The following ZNF43 variants were observed in gnomAD, a reference collection of about 807,000 sequenced individuals.
ZNF43 encodes zinc finger protein 43, also known as zinc finger protein 39-like 1 (KOX 27).
A neutral mutation model predicts 68.4 loss-of-function variants in ZNF43; 44 were observed. The ratio of observed to expected loss-of-function variants is 0.64; its 90% CI spans 0.51 to 0.83. The LOEUF is 0.83. Among genes scored for constraint, ZNF43 ranks in the 40% least tolerant of loss-of-function variants. The pLI, the probability that ZNF43 is intolerant of heterozygous loss-of-function variation, is 0.00. For synonymous variants in ZNF43, 308 were observed against 307.8 expected (o/e 1.00, Z -0.01); for missense variants, 896 against 933.2 (o/e 0.96, Z 0.52).
chr19:21,811,679 C>T (rs1004466727), intron 3 of ZNF43, among the ~76,000 whole-genome samples: 4 of 151,736 alleles, frequency 2.6e-5, no homozygotes, highest in African/African-American at 9.7e-5. Context: ...GATGAAAGAA[C>T]AGAATAAAGA....
In ZNF43 at chr19:21,809,261, T is replaced by C. The variant is rs369320604; in HGVS notation, c.776A>G (p.Lys259Arg). 7.9e-5 allele frequency: 127 copies of C among 1,613,476 alleles called. No homozygotes were observed. The highest frequency in any genetic ancestry group is 1.0e-4 in the Non-Finnish European group (120 of 1,179,830). Residue 259 changes from lysine (K) to arginine (R), a missense_variant, in exon 4 of 4, where the codon AAA becomes AGA. By Grantham distance (26) the Lys-to-Arg change is conservative. Transcript: ENST00000354959. ...AAAAGCTTTGCCACATTCTTCACATTTGTAGAGTTTGTATCTAGTATAATT... is the reference window on the plus strand; with the variant it reads ...AAAAGCTTTGCCACATTCTTCACATCTGTAGAGTTTGTATCTAGTATAATT... ...KKNYTRYKLYKCEECGKAFNK... is the reference protein window; with the variant it reads ...KKNYTRYKLYRCEECGKAFNK...
At chr19:21,822,805 A>AG (rs1165591015) in intron 1 of ZNF43, among the ~76,000 whole-genome samples, 14 of 151,818 alleles carry the variant, frequency 9.2e-5, no homozygotes, top group African/African-American at 3.2e-4. Flanking sequence ...ACTCCGTCTC[A>AG]GAAAAAAAAA....
intron 1 of ZNF43, among the ~76,000 whole-genome samples, chr19:21,848,792 G>A (rs866604896): frequency 1.3e-5 from 2 of 152,166 alleles, no homozygotes; most frequent in African/African-American, 4.8e-5. Context: ...GTCTAAGTAC[G>A]CTAGTGACAA....
At chr19:21,822,349 C>G (rs2037893147) in intron 1 of ZNF43, among the ~76,000 whole-genome samples, 1 of 121,744 alleles carries the variant, frequency 8.2e-6, no homozygotes, top group African/African-American at 3.1e-5. Context: ...ATTCTAGCCT[C>G]ATTTTGGAGT....
At position 21,808,692 on chromosome 19, in the gene ZNF43, T is replaced by C. The variant is rs759540747; in HGVS notation, c.1345A>G (p.Thr449Ala). 24 of 1,613,334 alleles carry C rather than the reference T, an allele frequency of 1.5e-5. No individual in the cohort carries two copies. The South Asian group carries it at 2.4e-4, about 16-fold the overall frequency. Residue 449 changes from threonine to alanine, a missense_variant, in exon 4 of 4, where the codon ACT becomes GCT. Thr to Ala is a moderately conservative substitution (Grantham distance 58, BLOSUM62 0). Coordinates refer to ENST00000354959, the MANE Select transcript of ZNF43 (RefSeq NM_003423.4). ...TCACATTTGTAGGGTTTCTCTCCAG[T>C]ATGAATTCTGTTATGTTTAGTAAGG... The part of the protein sequence containing the change: ...STLTKHNRIH[T>A]GEKPYKCEVC...
exon 1 of ZNF43, chr19:21,852,022 G>C (rs1263478061): frequency 6.9e-7 from 1 of 1,442,952 alleles, no homozygotes; most frequent in African/African-American, 1.4e-5. Context: ...TGGAGAACGC[G>C]GAAAAGCAGA....
At chr19:21,817,575 A>G (rs550052971) in intron 3 of ZNF43, among the ~76,000 whole-genome samples, 2 of 152,340 alleles carry the variant, frequency 1.3e-5, no homozygotes, top group African/African-American at 4.8e-5. Context: ...AAAAGTATGC[A>G]GATATTTGTG....
rs1362276189 is a variant in ZNF43, at chr19:21,807,671, A to G, written c.2366T>C (p.Leu789Pro). 1.3e-6 allele frequency: 2 copies of G among 1,597,114 alleles called. No homozygotes were observed. The highest frequency in any genetic ancestry group is 1.1e-5 in the South Asian group (1 of 88,706). Residue 789 changes from leucine (L) to proline (P), a missense_variant, in exon 4 of 4, where the codon CTC becomes CCC. Transcript: ENST00000354959. ...CACTGTCACATCTTCAGGTTTGTAG[A>G]GTTTCTCTCCAGTATGAATTTTGTT... ...THNKIHTGEK[L>P]YKPEDVTVIL...
chr19:21,848,421 C>T (rs933114016), intron 1 of ZNF43, among the ~76,000 whole-genome samples: 4 of 152,082 alleles, frequency 2.6e-5, no homozygotes, highest in African/African-American at 9.7e-5. Context: ...GCTGGGATTA[C>T]AGGCATGAGC....
chr19:21,843,435 A>G (rs1207690815), intron 1 of ZNF43: 5 of 940,042 alleles, frequency 5.3e-6, no homozygotes, highest in Non-Finnish European at 6.3e-6. Context: ...TCACCATCTC[A>G]ATGTAGATGA....
In ZNF43 at chr19:21,807,629, T is replaced by A. The variant is rs1310317774; in HGVS notation, c.2408A>T (p.Gln803Leu). ...EDVTVILTTP[Q>L]TFSNIK ...AATTTATTTTATGTTTGAAAAAGTT[T>A]GAGGTGTTGTCAAAATCACTGTCAC... Residue 803 changes from glutamine (Q) to leucine (L), a missense_variant, in exon 4 of 4, where the codon CAA (glutamine) becomes CTA (leucine). Coordinates refer to ENST00000354959, the MANE Select transcript of ZNF43 (RefSeq NM_003423.4). 6.4e-7 allele frequency: 1 copy of A among 1,551,646 alleles called. No individual in the cohort carries two copies. Among genetic ancestry groups the A allele is most frequent in the Non-Finnish European group, 8.7e-7 (1 of 1,152,814 alleles).
intron 1 of ZNF43, among the ~76,000 whole-genome samples, chr19:21,834,690 T>G (rs10420548): frequency 3.3e-5 from 5 of 149,642 alleles, no homozygotes; most frequent in Non-Finnish European, 7.4e-5. Context: ...ACCCGGGAGG[T>G]TGCAATGAGC....
At chr19:21,843,497 A>T (rs1967682237) in intron 1 of ZNF43, among the ~76,000 whole-genome samples, 1 of 152,184 alleles carries the variant, frequency 6.6e-6, no homozygotes, top group Non-Finnish European at 1.5e-5. Context: ...TCTTAGTAAA[A>T]TCATAGCCTT....
rs903070124 is a variant in ZNF43, at chr19:21,805,693, G to A, written c.*1914C>T. ...AATAAGGTAATTAAAATCATACTAT[G>A]TACCCACAGAAATTAAGAACAGTAA... On this transcript the variant is annotated 3_prime_UTR_variant, in exon 4 of 4. Coordinates refer to ENST00000354959, the MANE Select transcript of ZNF43 (RefSeq NM_003423.4). The A allele has an allele frequency of 2.0e-5, 3 of 151,616 alleles. No individual in the cohort carries two copies. The highest frequency in any genetic ancestry group is 6.6e-5 in the Admixed American group (1 of 15,218). 9.4% of individuals were successfully genotyped at this position (151,616 alleles called of 1,614,324 possible). A position where few individuals can be genotyped will look rare whatever the true frequency, so the allele number is the denominator to read the frequency against.
At chr19:21,838,622 A>G (rs1967287588), upstream of ZNF43, among the ~76,000 whole-genome samples, 1 of 151,756 alleles carries the variant, frequency 6.6e-6, no homozygotes, top group African/African-American at 2.4e-5. Context: ...CTGGTCTCAA[A>G]CTCCTGACCT....
At chr19:21,839,331 CAAA>C (rs61335194), upstream of ZNF43, among the ~76,000 whole-genome samples, 3 of 28,298 alleles carry the variant, frequency 1.1e-4, no homozygotes, top group East Asian at 2.7e-3. Context: ...AGAGATCAGG[CAAA>C]AAAAAAAAAA....
intron 1 of ZNF43, among the ~76,000 whole-genome samples, chr19:21,823,260 T>C (rs1221611920): frequency 6.6e-6 from 1 of 152,182 alleles, no homozygotes; most frequent in Admixed American, 6.6e-5. Flanking sequence ...CATCTATTTT[T>C]TTAATGGCCA....
upstream of ZNF43, chr19:21,836,296 A>G (rs1280558250): frequency 2.4e-6 from 3 of 1,246,800 alleles, no homozygotes; most frequent in Non-Finnish European, 3.1e-6. Context: ...TGCCCCCGCA[A>G]ACCCTGAATG....
At chr19:21,815,167 C>A (rs2037460461) in intron 3 of ZNF43, among the ~76,000 whole-genome samples, 1 of 146,284 alleles carries the variant, frequency 6.8e-6, no homozygotes, top group African/African-American at 2.5e-5. Context: ...CCAGCCTGGG[C>A]AACGAGAGCA....
Sources: gnomAD v4.1 joint callset for allele counts (sites outside exome capture counted in the v4.1 genomes callset) on GRCh38, gnomAD v4.1.1 for gene constraint, MANE v1.5 for transcripts, NCBI Gene and HGNC (gene_info 2026-07-23, HGNC 2026-07-21) for gene names.